The following GASK1B variants were observed in gnomAD, a reference collection of about 807,000 sequenced individuals.
GASK1B encodes Golgi-associated kinase 1B.
A neutral mutation model predicts 42.8 loss-of-function variants in GASK1B; 34 were observed. The ratio of observed to expected loss-of-function variants is 0.79; its 90% CI spans 0.60 to 1.06. The LOEUF (loss-of-function observed/expected upper bound fraction) is 1.06, where lower values mean the gene tolerates loss of function less well. Among genes scored for constraint, GASK1B ranks in the 50% least tolerant of loss-of-function variants. The pLI, the probability that GASK1B is intolerant of heterozygous loss-of-function variation, is 0.00. For synonymous variants in GASK1B, 262 were observed against 259.1 expected (o/e 1.01, Z -0.11); for missense variants, 686 against 661.0 (o/e 1.04, Z -0.42).
chr4:158,170,701 T>C lies in GASK1B; in HGVS notation c.675A>G (p.Arg225=), dbSNP rs776901134. 6.2e-7 allele frequency: 1 copy of C among 1,613,814 alleles called. No individual in the cohort carries two copies. Among genetic ancestry groups the C allele is most frequent in the South Asian group, 1.1e-5 (1 of 91,072 alleles). ...WLSKDDIRRM[R]LLADSAVAGL... ...CTGCCACTGCGCTGTCCGCCAAGAGTCGCATTCTTCGGATGTCATCTTTGC... is the reference window on the plus strand; with the variant it reads ...CTGCCACTGCGCTGTCCGCCAAGAGCCGCATTCTTCGGATGTCATCTTTGC... Residue 225 remains arginine, a synonymous_variant, in exon 2 of 5, where the codon CGA becomes CGG. Coordinates refer to ENST00000585682, the MANE Select transcript of GASK1B (RefSeq NM_001128424.2).
chr4:158,131,105 C>A, intron 3 of GASK1B, 93 bp from the exon 4 acceptor site: 1 of 1,049,868 alleles, frequency 9.5e-7, no homozygotes, highest in South Asian at 1.6e-5. Context: ...TTCTGAATAG[C>A]TGACTTGCCA....
intron 3 of GASK1B, among the ~76,000 whole-genome samples, chr4:158,132,268 A>T (rs952551482): frequency 1.3e-5 from 2 of 152,154 alleles, no homozygotes; most frequent in African/African-American, 4.8e-5. Context: ...TTCTTTTGGT[A>T]TTAAATTCCC....
intron 3 of GASK1B, among the ~76,000 whole-genome samples, chr4:158,134,488 G>A (rs1730805620): frequency 6.6e-6 from 1 of 152,126 alleles, no homozygotes; most frequent in Admixed American, 6.5e-5. Context: ...ATTGCTGCTT[G>A]TTCAAATTCA....
intron 4 of GASK1B, 42 bp from the exon 5 acceptor site, chr4:158,127,656 G>A (rs1730513950): frequency 6.5e-7 from 1 of 1,538,246 alleles, no homozygotes; most frequent in Non-Finnish European, 8.9e-7. Context: ...TAATTGCTTG[G>A]GAATAGTACT....
At chr4:158,150,991 C>A (rs1731534973) in intron 3 of GASK1B, among the ~76,000 whole-genome samples, 1 of 152,204 alleles carries the variant, frequency 6.6e-6, no homozygotes, top group East Asian at 1.9e-4. Context: ...ATTTCTTCCT[C>A]CTACTCACAC....
At chr4:158,155,878 T>A (rs1215124759) in intron 2 of GASK1B, 53 bp from the exon 3 acceptor site, 4 of 1,522,872 alleles carry the variant, frequency 2.6e-6, no homozygotes, top group Non-Finnish European at 3.6e-6. Flanking sequence ...ACTCAGGGTG[T>A]GTCTTTGAGC....
chr4:158,146,460 G>A (rs1731334100), intron 3 of GASK1B, among the ~76,000 whole-genome samples: 1 of 152,040 alleles, frequency 6.6e-6, no homozygotes, highest in South Asian at 2.1e-4. Context: ...TAATTCATAA[G>A]TAATACTTAT....
rs1314929013 is a variant in GASK1B at position 158,170,743 on chromosome 4, GCT to G, written c.631_632del (p.Ser211ArgfsTer9). 1 of 1,614,230 alleles carries G rather than the reference GCT, an allele frequency of 6.2e-7. No individual in the cohort carries two copies. The highest frequency in any genetic ancestry group is 1.3e-5 in the African/African-American group (1 of 75,076). ...CATCTTTGCTCAGCCAGGAGGGGGCGCTCTCGCTGTAGATCCTAATGTTGCTC... is the reference window on the plus strand; with the variant it reads ...CATCTTTGCTCAGCCAGGAGGGGGCGCTCGCTGTAGATCCTAATGTTGCTC... Reference protein sequence around the residue: ...RESNIRIYSESAPSWLSKDDI... With the variant: ...RESNIRIYSEXAPSWLSKDDI... On this transcript the variant is annotated frameshift_variant, in exon 2 of 5. Coordinates refer to ENST00000585682, the MANE Select transcript of GASK1B (RefSeq NM_001128424.2). LOFTEE classifies it high-confidence loss of function.
chr4:158,135,412 A>T (rs563790134), intron 3 of GASK1B, among the ~76,000 whole-genome samples: 50 of 151,238 alleles, frequency 3.3e-4, no homozygotes, highest in African/African-American at 8.7e-4. Context: ...TATTAATAGC[A>T]GTTTTATATT....
At chr4:158,134,089 C>T (rs1252226729) in intron 3 of GASK1B, among the ~76,000 whole-genome samples, 1 of 152,152 alleles carries the variant, frequency 6.6e-6, no homozygotes, top group Non-Finnish European at 1.5e-5. Flanking sequence ...TGTTCTCTAG[C>T]TCTTCTCAGA....
chr4:158,164,230 A>G (rs1223577556), intron 2 of GASK1B, among the ~76,000 whole-genome samples: 1 of 152,238 alleles, frequency 6.6e-6, no homozygotes, highest in Non-Finnish European at 1.5e-5. Flanking sequence ...TAGATGCTCA[A>G]TAAATACATG....
At chr4:158,145,358 TCTA>T in intron 3 of GASK1B, among the ~76,000 whole-genome samples, 1 of 152,080 alleles carries the variant, frequency 6.6e-6, no homozygotes. Context: ...AAGAGACAAA[TCTA>T]GGAGGCAAGG....
intron 3 of GASK1B, 41 bp downstream of exon 3, chr4:158,155,570 G>T (rs759900239): frequency 3.3e-6 from 5 of 1,525,506 alleles, no homozygotes; most frequent in Non-Finnish European, 4.5e-6. Context: ...ATAACTCAGC[G>T]CCAGTCTTAG....
rs1732508157 is a variant in GASK1B, at chr4:158,171,123, GTA to G, written c.251_252del (p.Ile84ThrfsTer76). 5.0e-6 allele frequency: 8 copies of G among 1,608,994 alleles called. No homozygotes were observed. The highest frequency in any genetic ancestry group is 6.8e-6 in the Non-Finnish European group (8 of 1,176,332). ...GGAGGGGCCAGGGTACCATCCAGGG[GTA>G]TCTCAGGGAAGGATGGCTCGGCGGT... ...RDTAEPSFPE[I>X]PLDGTLAPPE... On this transcript the variant is annotated frameshift_variant, in exon 2 of 5. Transcript: ENST00000585682. LOFTEE classifies it high-confidence loss of function.
chr4:158,166,096 T>C (rs1261701618), intron 2 of GASK1B, among the ~76,000 whole-genome samples: 1 of 152,218 alleles, frequency 6.6e-6, no homozygotes, highest in African/African-American at 2.4e-5. Context: ...CTGGATCTTA[T>C]ATTGTGGCAC....
At chr4:158,149,355 A>C (rs528774136) in intron 3 of GASK1B, among the ~76,000 whole-genome samples, 1 of 152,236 alleles carries the variant, frequency 6.6e-6, no homozygotes, top group Non-Finnish European at 1.5e-5. Flanking sequence ...TTTCTTCACT[A>C]TAACACACAA....
chr4:158,140,746 T>C (rs1731083331), intron 3 of GASK1B, among the ~76,000 whole-genome samples: 1 of 152,174 alleles, frequency 6.6e-6, no homozygotes, highest in South Asian at 2.1e-4. Context: ...GAATCTCAAA[T>C]GGTTATTTAT....
intron 3 of GASK1B, among the ~76,000 whole-genome samples, chr4:158,141,748 A>T (rs1286729279): frequency 6.7e-6 from 1 of 148,808 alleles, no homozygotes; most frequent in East Asian, 2.0e-4. Context: ...CTGGGACTGC[A>T]GGCGCCCACC....
At position 158,130,969 on chromosome 4, in the gene GASK1B, C is replaced by A. The variant is rs75045140; in HGVS notation, c.1169G>T (p.Arg390Leu). Residue 390 changes from arginine to leucine, a missense_variant, in exon 4 of 5, where the codon CGC becomes CTC. Physicochemically the swap from Arg to Leu is moderately radical, Grantham distance 102. Coordinates refer to ENST00000585682, the MANE Select transcript of GASK1B (RefSeq NM_001128424.2). Reference protein sequence around the residue: ...LDTNCCGFRPRKEDACVQNGL... With the variant: ...LDTNCCGFRPLKEDACVQNGL... ...ATTCTGTACACAGGCATCTTCCTTG[C>A]GAGGTCTGAATCCACAGCAATTTGT... is the stretch of plus-strand genomic sequence containing the variant. The A allele has an allele frequency of 2.3e-5, 37 of 1,613,964 alleles. No homozygotes were observed. In the East Asian group the frequency reaches 3.3e-4, roughly 15 times the overall value.
Sources: allele counts gnomAD v4.1 joint callset (sites outside exome capture counted in the v4.1 genomes callset), GRCh38; gene constraint gnomAD v4.1.1; transcripts MANE v1.5; gene names NCBI Gene and HGNC (gene_info 2026-07-23, HGNC 2026-07-21).